Variants in PPARGC1A observed in about 807,000 individuals in gnomAD.
PPARGC1A encodes PPARG coactivator 1 alpha, also known as peroxisome proliferator-activated receptor gamma coactivator 1-alpha.
Under a neutral mutation model 88.7 loss-of-function variants are expected in PPARGC1A, and 25 were observed. The observed-to-expected ratio is 0.28, with a 90% CI of 0.21 to 0.39. The LOEUF is 0.39. PPARGC1A is among the 10% of genes least tolerant of loss of function. PPARGC1A has a pLI of 1.00. For missense variants in PPARGC1A, 880 were observed against 968.7 expected, an observed-to-expected ratio of 0.91 and a Z score of 1.22; for synonymous variants, 363 against 355.6, an observed-to-expected ratio of 1.02 and a Z score of -0.24.
chr4:24,469,295 T>A, the PPARGC1A span, among the ~76,000 whole-genome samples: 1 of 152,200 alleles, frequency 6.6e-6, no homozygotes, highest in African/African-American at 2.4e-5. Context: ...CATGCTCAAA[T>A]GCTGAAAATG....
At chr4:24,020,158 C>A in the PPARGC1A span, among the ~76,000 whole-genome samples, 5 of 152,132 alleles carry the variant, frequency 3.3e-5, no homozygotes, top group Non-Finnish European at 7.3e-5. Context: ...CAATATTGAC[C>A]GACAAGCCAG....
At chr4:23,816,256 G>T (rs986109317) in intron 7 of PPARGC1A, among the ~76,000 whole-genome samples, 1 of 152,138 alleles carries the variant, frequency 6.6e-6, no homozygotes, top group Non-Finnish European at 1.5e-5. Context: ...GCTTCCCTTT[G>T]TTAACAGCTG....
At chr4:24,429,281 A>G in the PPARGC1A span, among the ~76,000 whole-genome samples, 1 of 149,114 alleles carries the variant, frequency 6.7e-6, no homozygotes, top group African/African-American at 2.6e-5. Context: ...CACACATGCA[A>G]CACACACACA....
the PPARGC1A span, among the ~76,000 whole-genome samples, chr4:23,960,163 G>A: frequency 7.2e-5 from 11 of 152,144 alleles, no homozygotes; most frequent in African/African-American, 2.7e-4. Context: ...CTTTAGATAG[G>A]AAGGTCTAAA....
chr4:24,329,527 G>A, the PPARGC1A span, among the ~76,000 whole-genome samples: 12 of 151,904 alleles, frequency 7.9e-5, no homozygotes, highest in South Asian at 6.2e-4. Context: ...CTTGTGCTGC[G>A]CCCTCCCCCT....
the PPARGC1A span, among the ~76,000 whole-genome samples, chr4:24,387,938 A>AAGAT: frequency 1.0e-4 from 12 of 115,026 alleles, 1 homozygote; most frequent in African/African-American, 5.0e-4. Flanking sequence ...AAGAAAGAGA[A>AAGAT]AGAAAGAAAG....
At chr4:24,224,448 A>G in the PPARGC1A span, among the ~76,000 whole-genome samples, 6 of 152,366 alleles carry the variant, frequency 3.9e-5, no homozygotes, top group South Asian at 1.2e-3. Flanking sequence ...TTCTTGTTAA[A>G]GGAATAAATA....
At chr4:24,244,127 A>T in the PPARGC1A span, among the ~76,000 whole-genome samples, 1 of 152,120 alleles carries the variant, frequency 6.6e-6, no homozygotes, top group Non-Finnish European at 1.5e-5. Context: ...GCCCCTCACC[A>T]TTTCTCTTTC....
At chr4:24,285,857 T>C in the PPARGC1A span, among the ~76,000 whole-genome samples, 3 of 152,208 alleles carry the variant, frequency 2.0e-5, no homozygotes, top group Non-Finnish European at 4.4e-5. Flanking sequence ...AAATATGTGA[T>C]TTCGTTTCTC....
the PPARGC1A span, among the ~76,000 whole-genome samples, chr4:23,981,645 C>T: frequency 1.3e-5 from 2 of 152,194 alleles, no homozygotes; most frequent in Admixed American, 1.3e-4. Context: ...GAGGAGTCCA[C>T]AACCAGAGAC....
At chr4:24,010,965 C>G in the PPARGC1A span, among the ~76,000 whole-genome samples, 1 of 152,084 alleles carries the variant, frequency 6.6e-6, no homozygotes, top group African/African-American at 2.4e-5. Context: ...CAGGGAAATG[C>G]TTGGGACCAT....
At chr4:23,969,665 TC>T in the PPARGC1A span, among the ~76,000 whole-genome samples, 1 of 152,158 alleles carries the variant, frequency 6.6e-6, no homozygotes, top group Non-Finnish European at 1.5e-5. Context: ...ATCTCAGCTG[TC>T]CAGGAATCAA....
At chr4:24,370,996 G>A in the PPARGC1A span, among the ~76,000 whole-genome samples, 1 of 151,764 alleles carries the variant, frequency 6.6e-6, no homozygotes, top group Admixed American at 6.6e-5. Flanking sequence ...TGTTCTCATT[G>A]TTCAACTCCC....
the PPARGC1A span, among the ~76,000 whole-genome samples, chr4:24,299,892 A>AT: frequency 1.2e-4 from 18 of 152,344 alleles, no homozygotes; most frequent in African/African-American, 3.6e-4. Context: ...TATTCATTGT[A>AT]TATTAATCAA....
chr4:24,285,323 T>A, the PPARGC1A span, among the ~76,000 whole-genome samples: 3 of 152,196 alleles, frequency 2.0e-5, no homozygotes, highest in African/African-American at 7.2e-5. Context: ...TCCTGGTCCC[T>A]GGTACTGCCT....
chr4:24,182,329 T>C, the PPARGC1A span, among the ~76,000 whole-genome samples: 1 of 152,222 alleles, frequency 6.6e-6, no homozygotes, highest in Non-Finnish European at 1.5e-5. Context: ...TGTGAACTCA[T>C]TCTTTTTTTA....
chr4:24,305,992 T>C, the PPARGC1A span, among the ~76,000 whole-genome samples: 1 of 152,140 alleles, frequency 6.6e-6, no homozygotes, highest in Non-Finnish European at 1.5e-5. Flanking sequence ...GGATGTACCC[T>C]CATCCTATGG....
At chr4:24,272,739 A>G in the PPARGC1A span, among the ~76,000 whole-genome samples, 4 of 152,284 alleles carry the variant, frequency 2.6e-5, no homozygotes, top group South Asian at 8.3e-4. Flanking sequence ...TAAAATATTC[A>G]GGGGAACAGA....
intron 7 of PPARGC1A, among the ~76,000 whole-genome samples, chr4:23,819,558 T>C (rs762334474): frequency 6.6e-6 from 1 of 152,152 alleles, no homozygotes; most frequent in South Asian, 2.1e-4. Flanking sequence ...CAGGTGGCTA[T>C]TGCCAAACCC....
Sources: gnomAD v4.1 joint callset for allele counts (sites outside exome capture counted in the v4.1 genomes callset) on GRCh38, gnomAD v4.1.1 for gene constraint, MANE v1.5 for transcripts, NCBI Gene and HGNC (gene_info 2026-07-23, HGNC 2026-07-21) for gene names.